Variants in VWA8 observed in about 807,000 individuals in gnomAD.
VWA8 encodes the protein von Willebrand factor A domain containing 8.
In VWA8, 221 loss-of-function variants were observed where a neutral mutation model predicts 241.5. The observed-to-expected ratio is 0.91, with a 90% CI of 0.82 to 1.02. VWA8 has a LOEUF of 1.02. Ranked by LOEUF, VWA8 falls within the 50% of genes least tolerant of loss-of-function variation. The pLI is 0.00. For missense variants in VWA8, 2,322 were observed against 2,328.7 expected, an observed-to-expected ratio of 1.00 and a Z score of 0.06; for synonymous variants, 852 against 827.1, an observed-to-expected ratio of 1.03 and a Z score of -0.52.
At chr13:41,922,111 G>C (rs1457931568) in intron 2 of VWA8, among the ~76,000 whole-genome samples, 5 of 152,122 alleles carry the variant, frequency 3.3e-5, no homozygotes, top group African/African-American at 1.2e-4. Context: ...ACAGAACAGA[G>C]CCCTCAGAAA....
intron 3 of VWA8, among the ~76,000 whole-genome samples, chr13:41,908,806 C>G (rs1875848693): frequency 6.6e-6 from 1 of 152,140 alleles, no homozygotes; most frequent in Non-Finnish European, 1.5e-5. Context: ...ATGACATTCT[C>G]CAATCAAATA....
intron 16 of VWA8, among the ~76,000 whole-genome samples, chr13:41,815,454 G>T (rs1870649658): frequency 6.6e-6 from 1 of 152,206 alleles, no homozygotes; most frequent in African/African-American, 2.4e-5. Flanking sequence ...GACCCTAAAT[G>T]TAATCCTCCT....
intron 42 of VWA8, among the ~76,000 whole-genome samples, chr13:41,582,381 G>T (rs2044388504): frequency 2.0e-5 from 3 of 152,264 alleles, no homozygotes; most frequent in Admixed American, 1.3e-4. Flanking sequence ...CAAGAGAGAT[G>T]GGGAGAGTCC....
At chr13:41,939,507 A>G (rs553646446) in intron 2 of VWA8, among the ~76,000 whole-genome samples, 1 of 152,250 alleles carries the variant, frequency 6.6e-6, no homozygotes, top group East Asian at 1.9e-4. Flanking sequence ...GAGTAATCCA[A>G]CTCTCATGTC....
chr13:41,824,346 C>T (rs1030122988), intron 14 of VWA8, among the ~76,000 whole-genome samples: 2 of 152,132 alleles, frequency 1.3e-5, no homozygotes, highest in Admixed American at 6.5e-5. Context: ...ACAGATTAGA[C>T]ACTTTAAACT....
chr13:41,881,859 A>AC (rs542080599), intron 9 of VWA8, among the ~76,000 whole-genome samples: 7 of 107,752 alleles, frequency 6.5e-5, no homozygotes, highest in African/African-American at 2.4e-4. Context: ...CGGGGGGCTG[A>AC]CCCCCCCACC....
intron 12 of VWA8, among the ~76,000 whole-genome samples, chr13:41,841,693 G>A (rs1872010829): frequency 6.8e-6 from 1 of 146,156 alleles, no homozygotes; most frequent in Non-Finnish European, 1.5e-5. Flanking sequence ...GGGGAGGCAG[G>A]AGAATGGCGT....
intron 40 of VWA8, among the ~76,000 whole-genome samples, chr13:41,594,608 A>T (rs931532582): frequency 2.8e-4 from 42 of 152,208 alleles, no homozygotes; most frequent in African/African-American, 1.0e-3. Context: ...GATGACGGGT[A>T]GAGGGACTAA....
chr13:41,743,256 G>A (rs2045581399), intron 21 of VWA8, among the ~76,000 whole-genome samples: 1 of 152,210 alleles, frequency 6.6e-6, no homozygotes, highest in African/African-American at 2.4e-5. Context: ...GGAGAGATCA[G>A]AGGCTGAGTT....
At chr13:41,798,290 C>T (rs566506820) in intron 17 of VWA8, among the ~76,000 whole-genome samples, 1 of 152,246 alleles carries the variant, frequency 6.6e-6, no homozygotes, top group African/African-American at 2.4e-5. Context: ...ACCGTAGTTT[C>T]CTGCATGCCA....
At chr13:41,878,705 G>T (rs954940030) in intron 9 of VWA8, among the ~76,000 whole-genome samples, 3 of 151,936 alleles carry the variant, frequency 2.0e-5, no homozygotes, top group Non-Finnish European at 4.4e-5. Context: ...AATCATTTCT[G>T]TTCCAATATA....
intron 4 of VWA8, among the ~76,000 whole-genome samples, chr13:41,894,741 C>A (rs1875015440): frequency 6.6e-6 from 1 of 152,086 alleles, no homozygotes. Context: ...CTTAATTAAC[C>A]AAGTGATCAA....
Position 41,575,845 on chromosome 13 carries a change from G to GC in VWA8, c.5272-8dup, listed in dbSNP as rs758882612. ...AGTGTCCAACGATGTCATACTACAT[G>GC]CAAGAGAACCAGAAAGTTATAAACT... On this transcript the variant is annotated splice_polypyrimidine_tract_variant and splice_region_variant and intron_variant, in intron 42 of 44. Transcript: ENST00000379310. 3.8e-6 allele frequency: 6 copies of GC among 1,596,790 alleles called. No homozygotes were observed. The Admixed American group carries it at 1.0e-4, about 28-fold the overall frequency.
chr13:41,691,266 T>C, intron 32 of VWA8, 54 bp downstream of exon 32: 2 of 1,559,440 alleles, frequency 1.3e-6, no homozygotes, highest in Non-Finnish European at 1.7e-6. Context: ...GGATAATTCA[T>C]AAATAAGATT....
At chr13:41,887,143 T>C in intron 6 of VWA8, 54 bp downstream of exon 6, 1 of 1,566,678 alleles carries the variant, frequency 6.4e-7, no homozygotes, top group Middle Eastern at 1.7e-4. Context: ...ATTGAAGTTC[T>C]TGTTATAAAT....
At chr13:41,689,535 T>TGAG in intron 33 of VWA8, 27 bp from the exon 34 acceptor site, 1 of 1,552,294 alleles carries the variant, frequency 6.4e-7, no homozygotes, top group Non-Finnish European at 8.7e-7. Flanking sequence ...TTAGACACCA[T>TGAG]ATGCTCCTGA....
Position 41,833,376 on chromosome 13 carries a change from C to G in VWA8, c.1581G>C (p.Leu527Phe). 6.2e-7 allele frequency: 1 copy of G among 1,608,074 alleles called. No homozygotes were observed. The highest frequency in any genetic ancestry group is 1.3e-5 in the African/African-American group (1 of 74,846). The change falls in exon 13 of 45, where the codon TTG (leucine) becomes TTC (phenylalanine). Residue 527 changes from leucine (L) to phenylalanine (F), a missense_variant. Transcript: ENST00000379310. ...HRVNAGTLAV[L>F]QRLIHDRELS... ...TTTTTGTGACTCATACCCACCTTTG[C>G]AATACAGCAAGCGTGCCCGCATTCA...
chr13:41,610,471 A>T (rs2044580050), intron 39 of VWA8, among the ~76,000 whole-genome samples: 1 of 152,206 alleles, frequency 6.6e-6, no homozygotes, highest in Non-Finnish European at 1.5e-5. Context: ...TGCCTCTAGC[A>T]TCAAGTGTGT....
At chr13:41,747,392 CTG>C (rs1593740754) in intron 21 of VWA8, among the ~76,000 whole-genome samples, 1 of 152,236 alleles carries the variant, frequency 6.6e-6, no homozygotes, top group East Asian at 1.9e-4. Context: ...TGATTTGGCT[CTG>C]TGTTTATCTG....
Sources: allele counts gnomAD v4.1 joint callset (sites outside exome capture counted in the v4.1 genomes callset), GRCh38; gene constraint gnomAD v4.1.1; transcripts MANE v1.5; gene names NCBI Gene and HGNC (gene_info 2026-07-23, HGNC 2026-07-21).